PPM1G: variants seen among roughly 807,000 people sequenced by gnomAD.
PPM1G encodes the protein protein phosphatase, Mg2+/Mn2+ dependent 1G, also known as protein phosphatase 1G.
Under a neutral mutation model 59.4 loss-of-function variants are expected in PPM1G, and 12 were observed. The observed-to-expected ratio is 0.20, with a 90% confidence interval of 0.13 to 0.33. The LOEUF (loss-of-function observed/expected upper bound fraction) is 0.33. PPM1G is among the 10% of genes least tolerant of loss of function. PPM1G has a pLI of 1.00. For synonymous variants in PPM1G, 245 were observed against 251.9 expected (o/e 0.97, Z 0.26); for missense variants, 392 against 681.3 (o/e 0.58, Z 4.73).
intron 1 of PPM1G, among the ~76,000 whole-genome samples, chr2:27,389,879 G>C (rs1162967605): frequency 6.6e-6 from 1 of 152,110 alleles, no homozygotes; most frequent in Non-Finnish European, 1.5e-5. Context: ...TGAGGCAAGA[G>C]GACCACCTGA....
intron 1 of PPM1G, among the ~76,000 whole-genome samples, chr2:27,388,854 G>A (rs367826765): frequency 1.5e-3 from 207 of 141,626 alleles, no homozygotes; most frequent in African/African-American, 5.5e-3. Context: ...CAGCCAGGGC[G>A]ACAGAGCAAG....
In PPM1G at chr2:27,388,019, C is replaced by G. The variant is rs541131264; in HGVS notation, c.121-861G>C. 6.6e-5 allele frequency among the ~76,000 whole-genome samples: 10 copies of G among 150,976 alleles called. 1 individual carries two copies. Among genetic ancestry groups the G allele is most frequent in the African/African-American group, 2.4e-4 (10 of 41,344 alleles). ...TTCACCTTGTTAGCCAGAATGGTCT[C>G]GATCTCCTGATCTCGGGATCCACCC... On this transcript the variant is annotated intron_variant, in intron 1 of 9. Coordinates refer to ENST00000344034, the MANE Select transcript of PPM1G (RefSeq NM_177983.3).
chr2:27,408,407 T>G (rs976338446), intron 1 of PPM1G, among the ~76,000 whole-genome samples: 1 of 152,182 alleles, frequency 6.6e-6, no homozygotes, highest in African/African-American at 2.4e-5. Context: ...CTACCGCAGT[T>G]TTCCCTCTTC....
At chr2:27,402,464 T>C (rs1684201127) in intron 1 of PPM1G, among the ~76,000 whole-genome samples, 1 of 152,204 alleles carries the variant, frequency 6.6e-6, no homozygotes, top group Non-Finnish European at 1.5e-5. Flanking sequence ...ACGTTCTGAT[T>C]GTATTTTCCA....
chr2:27,399,932 T>C (rs1306597875), intron 1 of PPM1G, among the ~76,000 whole-genome samples: 3 of 139,040 alleles, frequency 2.2e-5, no homozygotes, highest in Non-Finnish European at 4.6e-5. Flanking sequence ...TTGTACATAG[T>C]ATCACTATTT....
At position 27,382,278 on chromosome 2, in the gene PPM1G, T is replaced by C. The variant is rs1179077398; in HGVS notation, c.1332-50A>G. ...ATCTTCCAGTCTCACTAAGGCAGCG[T>C]AGAGGAGTATGGACAGAGGTGGTGG... On this transcript the variant is annotated intron_variant, in intron 8 of 9. Transcript: ENST00000344034. The surrounding 1 kb of genome is among the most constrained non-coding windows in gnomAD (Gnocchi z 4.2). 1.3e-6 allele frequency: 2 copies of C among 1,588,032 alleles called. No homozygotes were observed. The highest frequency in any genetic ancestry group is 1.7e-5 in the Admixed American group (1 of 59,956).
chr2:27,386,057 C>T, intron 3 of PPM1G, 137 bp downstream of exon 3: 1 of 1,245,962 alleles, frequency 8.0e-7, no homozygotes, highest in Non-Finnish European at 1.1e-6. Context: ...GGCCAATAAG[C>T]TCGTTTTAGG....
At chr2:27,389,719 C>T (rs1392291038) in intron 1 of PPM1G, among the ~76,000 whole-genome samples, 1 of 152,146 alleles carries the variant, frequency 6.6e-6, no homozygotes, top group Non-Finnish European at 1.5e-5. Flanking sequence ...AATCCCAGCG[C>T]TCTGGGAAGG....
Position 27,409,405 on chromosome 2 carries a change from G to C in PPM1G, c.18C>G (p.Ser6=). The C allele has an allele frequency of 6.5e-7, 1 of 1,531,684 alleles. No individual in the cohort carries two copies. Among genetic ancestry groups the C allele is most frequent in the East Asian group, 2.6e-5 (1 of 38,040 alleles). The allele number at this position is 1,531,684 out of a possible 1,614,324, so 94.9% of individuals were successfully genotyped here. The change falls in exon 1 of 10, where the codon TCC becomes TCG. Residue 6 remains serine, a synonymous_variant. Transcript: ENST00000344034. The part of the protein sequence containing the change: MGAYL[S]QPNTVKCSGD... ...CGGAGCACTTCACCGTGTTGGGCTG[G>C]GAGAGGTAGGCACCCATGGCGGCGG...
Position 27,396,752 on chromosome 2 carries a change from T to C in PPM1G, c.121-9594A>G, listed in dbSNP as rs533848237. 2.8e-5 allele frequency among the ~76,000 whole-genome samples: 4 copies of C among 143,304 alleles called. No individual in the cohort carries two copies. The East Asian group carries it at 8.1e-4, about 29-fold the overall frequency. 94.0% of individuals were successfully genotyped at this position (143,304 alleles called of 152,430 possible). A position where few individuals can be genotyped will look rare whatever the true frequency, so the allele number is the denominator to read the frequency against. On this transcript the variant is annotated intron_variant, in intron 1 of 9. Coordinates refer to ENST00000344034, the MANE Select transcript of PPM1G (RefSeq NM_177983.3). ...ATCTCTTGAGCCCAGGTGGCAGAGG[T>C]TGCAGTGAGCCAAGACTGCAATCAT...
chr2:27,398,110 T>C (rs1432924115), intron 1 of PPM1G, among the ~76,000 whole-genome samples: 1 of 152,136 alleles, frequency 6.6e-6, no homozygotes, highest in Non-Finnish European at 1.5e-5. Context: ...TTTCAAAACG[T>C]ACTAAAAAGC....
At chr2:27,401,388 T>C (rs1322264646) in intron 1 of PPM1G, among the ~76,000 whole-genome samples, 1 of 152,208 alleles carries the variant, frequency 6.6e-6, no homozygotes, top group East Asian at 1.9e-4. Flanking sequence ...ATGTTCAGAA[T>C]AGGCAAATTC....
chr2:27,406,269 G>C (rs531130648), intron 1 of PPM1G, among the ~76,000 whole-genome samples: 48 of 152,138 alleles, frequency 3.2e-4, no homozygotes, highest in Non-Finnish European at 5.1e-4. Context: ...AAGCTTCAGA[G>C]GAATGGGAGT....
intron 1 of PPM1G, among the ~76,000 whole-genome samples, chr2:27,390,347 G>C (rs556409974): frequency 6.6e-6 from 1 of 152,156 alleles, no homozygotes; most frequent in Non-Finnish European, 1.5e-5. Flanking sequence ...TCTCTTCCTA[G>C]ATTAACATTT....
At position 27,408,694 on chromosome 2, in the gene PPM1G, T is replaced by C. The variant is rs367605984; in HGVS notation, c.120+609A>G. 9.9e-5 allele frequency among the ~76,000 whole-genome samples: 15 copies of C among 152,196 alleles called. No homozygotes were observed. In the East Asian group the frequency reaches 2.7e-3, roughly 27 times the overall value. Reference sequence around the variant, plus strand: ...CTAGGGACTGACATAATTCAAGTTTTCCGAAGTTAGTAAAAGGCCCTGAAA... The same window carrying C: ...CTAGGGACTGACATAATTCAAGTTTCCCGAAGTTAGTAAAAGGCCCTGAAA... On this transcript the variant is annotated intron_variant, in intron 1 of 9. Transcript: ENST00000344034.
chr2:27,401,949 T>A (rs1033434195), intron 1 of PPM1G, among the ~76,000 whole-genome samples: 2 of 152,174 alleles, frequency 1.3e-5, no homozygotes, highest in Admixed American at 1.3e-4. Context: ...GTTCATATAC[T>A]GTATGGTATA....
chr2:27,402,417 G>C (rs1453374343), intron 1 of PPM1G, among the ~76,000 whole-genome samples: 1 of 152,162 alleles, frequency 6.6e-6, no homozygotes, highest in Non-Finnish European at 1.5e-5. Context: ...TCAGACAATA[G>C]AACTTTGTGT....
chr2:27,408,479 T>C (rs751783575), intron 1 of PPM1G, among the ~76,000 whole-genome samples: 9 of 152,198 alleles, frequency 5.9e-5, no homozygotes, highest in Non-Finnish European at 1.3e-4. Context: ...ATATTTTTCT[T>C]TTCCCCTTTT....
Position 27,385,736 on chromosome 2 carries a change from G to A in PPM1G, c.409+11C>T. ...GCTGATTTCCCCTCAAACAAGGGATGCCACACTCACCATCATCTTCATCAG... is the reference window on the plus strand; with the variant it reads ...GCTGATTTCCCCTCAAACAAGGGATACCACACTCACCATCATCTTCATCAG... On this transcript the variant is annotated intron_variant, in intron 4 of 9. Transcript: ENST00000344034. The surrounding 1 kb of genome is among the most constrained non-coding windows in gnomAD (Gnocchi z 4.1). 1 of 1,607,388 alleles carries A rather than the reference G, an allele frequency of 6.2e-7. No individual in the cohort carries two copies. Among genetic ancestry groups the A allele is most frequent in the South Asian group, 1.1e-5 (1 of 89,564 alleles).
Sources: gnomAD v4.1 joint callset for allele counts (sites outside exome capture counted in the v4.1 genomes callset) on GRCh38, gnomAD v4.1.1 for gene constraint, Gnocchi (gnomAD v3.1) non-coding constraint, MANE v1.5 for transcripts, NCBI Gene and HGNC (gene_info 2026-07-23, HGNC 2026-07-21) for gene names.